The following DLGAP2 variants were observed in gnomAD, a reference collection of about 807,000 sequenced individuals.
DLGAP2 encodes the protein DLG associated protein 2, also known as disks large-associated protein 2.
In DLGAP2, 26 loss-of-function variants were observed where a neutral mutation model predicts 100.3. That is an observed-to-expected ratio of 0.26 (90% CI 0.19 to 0.36). The LOEUF is 0.36. DLGAP2 is among the 10% of genes least tolerant of loss of function. The probability of loss-of-function intolerance (pLI) is 1.00; values close to 1 mark genes in which losing one functional copy is unlikely to be tolerated. For synonymous variants in DLGAP2, 886 were observed against 630.1 expected (o/e 1.41, Z -6.08); for missense variants, 1,858 against 1,453.2 (o/e 1.28, Z -4.53).
chr8:948,090 C>G (rs1189393187), intron 2 of DLGAP2, among the ~76,000 whole-genome samples: 2 of 152,126 alleles, frequency 1.3e-5, no homozygotes, highest in African/African-American at 4.8e-5. Context: ...CCATGCCAGC[C>G]CGCGTGCGCC....
chr8:1,198,449 C>G (rs746585884), intron 2 of DLGAP2, among the ~76,000 whole-genome samples: 4 of 151,976 alleles, frequency 2.6e-5, no homozygotes, highest in Non-Finnish European at 5.9e-5. Context: ...GCAGCTGCCT[C>G]CCACCCACCT....
At chr8:1,194,181 A>G (rs1046695654) in intron 2 of DLGAP2, among the ~76,000 whole-genome samples, 37 of 152,042 alleles carry the variant, frequency 2.4e-4, no homozygotes, top group Admixed American at 8.5e-4. Flanking sequence ...TAAAGAAGAA[A>G]CTGCCGCCTG....
chr8:1,247,069 GT>G (rs71190708), intron 2 of DLGAP2: 52 of 184,040 alleles, frequency 2.8e-4, no homozygotes, highest in Middle Eastern at 2.1e-3. Flanking sequence ...AGATCAGTGT[GT>G]GGAGTGATGG....
intron 2 of DLGAP2, among the ~76,000 whole-genome samples, chr8:1,101,375 G>A (rs977429238): frequency 3.3e-5 from 5 of 152,156 alleles, no homozygotes; most frequent in Non-Finnish European, 4.4e-5. Flanking sequence ...TTAGAATTCC[G>A]CCACAGGCTA....
chr8:851,656 G>A (rs544566373), intron 1 of DLGAP2, among the ~76,000 whole-genome samples: 1 of 152,288 alleles, frequency 6.6e-6, no homozygotes, highest in South Asian at 2.1e-4. Flanking sequence ...TTATCCAGCT[G>A]CCGAATTGCT....
chr8:1,561,158 T>C (rs1311289043), intron 5 of DLGAP2, among the ~76,000 whole-genome samples: 1 of 152,192 alleles, frequency 6.6e-6, no homozygotes, highest in Non-Finnish European at 1.5e-5. Flanking sequence ...TGCCACCATG[T>C]AAGACATGAC....
At chr8:1,055,773 T>TCCA (rs1802864926) in intron 2 of DLGAP2, among the ~76,000 whole-genome samples, 1 of 152,224 alleles carries the variant, frequency 6.6e-6, no homozygotes, top group Non-Finnish European at 1.5e-5. Context: ...CACGGCTCAT[T>TCCA]CCACTGAGGA....
intron 4 of DLGAP2, 151 bp from the exon 5 acceptor site, chr8:1,548,475 A>AAC (rs1801624667): frequency 5.3e-6 from 3 of 569,142 alleles, no homozygotes; most frequent in Non-Finnish European, 2.7e-6. Context: ...AAAAAAAAAA[A>AAC]AAAAAAAAAC....
chr8:1,094,537 C>T (rs192588095), intron 2 of DLGAP2, among the ~76,000 whole-genome samples: 2 of 152,322 alleles, frequency 1.3e-5, no homozygotes, highest in East Asian at 3.9e-4. Flanking sequence ...ATTTCTCAGT[C>T]CTTTGATGGT....
At chr8:1,293,247 C>T (rs2116974291) in intron 3 of DLGAP2, among the ~76,000 whole-genome samples, 1 of 152,364 alleles carries the variant, frequency 6.6e-6, no homozygotes, top group Non-Finnish European at 1.5e-5. Context: ...CACATGCCCT[C>T]TCCCTCTCCT....
intron 2 of DLGAP2, among the ~76,000 whole-genome samples, chr8:936,048 C>A (rs1799062564): frequency 6.6e-6 from 1 of 152,188 alleles, no homozygotes; most frequent in African/African-American, 2.4e-5. Flanking sequence ...CGTCTCCAAC[C>A]TGCTGGAAAT....
chr8:880,853 C>G (rs1301945923), intron 1 of DLGAP2, among the ~76,000 whole-genome samples: 2 of 152,228 alleles, frequency 1.3e-5, no homozygotes, highest in African/African-American at 4.8e-5. Context: ...AGAAGTTCCT[C>G]CCTCCTAAAT....
intron 2 of DLGAP2, among the ~76,000 whole-genome samples, chr8:1,237,577 G>T (rs1585178804): frequency 7.1e-6 from 1 of 141,624 alleles, no homozygotes; most frequent in Non-Finnish European, 1.5e-5. Flanking sequence ...CTCTCACATG[G>T]CACCGTGTCT....
intron 3 of DLGAP2, among the ~76,000 whole-genome samples, chr8:1,327,258 T>A (rs1801043385): frequency 6.6e-6 from 1 of 152,226 alleles, no homozygotes; most frequent in Non-Finnish European, 1.5e-5. Context: ...CAGGGTCCCT[T>A]GGCCAAGGCG....
intron 2 of DLGAP2, among the ~76,000 whole-genome samples, chr8:1,093,550 C>A (rs563336635): frequency 2.6e-5 from 4 of 152,008 alleles, no homozygotes; most frequent in African/African-American, 9.7e-5. Flanking sequence ...AACAGCCAGA[C>A]AGAAACACCC....
chr8:1,661,309 T>C (rs1422355028), intron 8 of DLGAP2, among the ~76,000 whole-genome samples: 3 of 152,186 alleles, frequency 2.0e-5, no homozygotes, highest in African/African-American at 7.2e-5. Context: ...CTGTTCTCCA[T>C]GGCCTCTACT....
intron 1 of DLGAP2, among the ~76,000 whole-genome samples, chr8:750,255 G>A (rs1004224460): frequency 9.2e-5 from 14 of 152,338 alleles, no homozygotes; most frequent in Non-Finnish European, 1.5e-4. Context: ...GGCACTGGCC[G>A]TGCCGCATCC....
At chr8:778,671 A>G (rs1470829490) in intron 1 of DLGAP2, among the ~76,000 whole-genome samples, 2 of 152,184 alleles carry the variant, frequency 1.3e-5, no homozygotes, top group Admixed American at 1.3e-4. Flanking sequence ...GGGGTCAGGC[A>G]CCCACTTGAG....
intron 2 of DLGAP2, among the ~76,000 whole-genome samples, chr8:957,949 C>T (rs1353578189): frequency 1.3e-5 from 2 of 152,116 alleles, no homozygotes; most frequent in African/African-American, 2.4e-5. Context: ...ACATACAATA[C>T]GTTCCTGGTG....
Sources: gnomAD v4.1 joint callset for allele counts (sites outside exome capture counted in the v4.1 genomes callset) on GRCh38, gnomAD v4.1.1 for gene constraint, MANE v1.5 for transcripts, NCBI Gene and HGNC (gene_info 2026-07-23, HGNC 2026-07-21) for gene names.